The following RFX8 variants were observed in gnomAD, a reference collection of about 807,000 sequenced individuals.
RFX8 encodes DNA-binding protein RFX8.
RFX8 carries 46 observed loss-of-function variants against 54.6 expected under a neutral mutation model. That is an observed-to-expected ratio of 0.84 (90% CI 0.67 to 1.08). The LOEUF (loss-of-function observed/expected upper bound fraction) is 1.08. Among genes scored for constraint, RFX8 ranks in the 50% least tolerant of loss-of-function variants. The probability of loss-of-function intolerance (pLI) is 0.00; values close to 1 mark genes in which losing one functional copy is unlikely to be tolerated. For missense variants in RFX8, 536 were observed against 562.3 expected (o/e 0.95, Z 0.47); for synonymous variants, 192 against 209.5 (o/e 0.92, Z 0.72).
chr2:101,414,542 G>A (rs1294315580), intron 7 of RFX8, among the ~76,000 whole-genome samples: 2 of 151,756 alleles, frequency 1.3e-5, no homozygotes, highest in African/African-American at 4.8e-5. Flanking sequence ...CCAAAGTGCC[G>A]CGATTACAGG....
At chr2:101,405,377 C>A (rs1400864567) in intron 10 of RFX8, among the ~76,000 whole-genome samples, 2 of 151,956 alleles carry the variant, frequency 1.3e-5, no homozygotes, top group African/African-American at 4.8e-5. Context: ...GAACTCCTGA[C>A]CTCAGGTGAT....
At chr2:101,425,990 CTA>C (rs1439127734) in intron 2 of RFX8, among the ~76,000 whole-genome samples, 1 of 151,952 alleles carries the variant, frequency 6.6e-6, no homozygotes, top group Non-Finnish European at 1.5e-5. Flanking sequence ...AGTAGAGTGA[CTA>C]TAGTTCACAA....
intron 4 of RFX8, 118 bp downstream of exon 4, chr2:101,421,603 AGTG>A: frequency 6.9e-7 from 1 of 1,455,460 alleles, no homozygotes; most frequent in Non-Finnish European, 9.1e-7. Context: ...ACTTCAGTGC[AGTG>A]GGTTACCATT....
intron 1 of RFX8, among the ~76,000 whole-genome samples, chr2:101,468,375 G>T (rs1689699789): frequency 6.6e-6 from 1 of 152,128 alleles, no homozygotes; most frequent in Non-Finnish European, 1.5e-5. Context: ...GTGTTCCTCG[G>T]CTTCACTCCA....
At chr2:101,416,984 C>A (rs1304829906) in intron 6 of RFX8, among the ~76,000 whole-genome samples, 1 of 152,170 alleles carries the variant, frequency 6.6e-6, no homozygotes, top group East Asian at 1.9e-4. Context: ...ACACCTAGAA[C>A]ACCTTGACCT....
At chr2:101,401,000 C>A (rs1353607311) in intron 11 of RFX8, among the ~76,000 whole-genome samples, 3 of 152,230 alleles carry the variant, frequency 2.0e-5, no homozygotes, top group Non-Finnish European at 4.4e-5. Flanking sequence ...CTGCTGCCAG[C>A]TAAGGAGGCC....
chr2:101,410,134 C>T (rs557433220), intron 9 of RFX8, among the ~76,000 whole-genome samples: 25 of 152,138 alleles, frequency 1.6e-4, no homozygotes, highest in Non-Finnish European at 3.4e-4. Context: ...GCAATACACA[C>T]CTGCAGACGC....
chr2:101,467,836 C>T (rs1191214752), intron 1 of RFX8, among the ~76,000 whole-genome samples: 1 of 151,794 alleles, frequency 6.6e-6, no homozygotes, highest in East Asian at 1.9e-4. Flanking sequence ...CAGCCACTAC[C>T]TTCCTTTCCC....
intron 2 of RFX8, among the ~76,000 whole-genome samples, chr2:101,458,355 T>G (rs1159627431): frequency 5.3e-5 from 8 of 152,256 alleles, no homozygotes; most frequent in Non-Finnish European, 1.0e-4. Flanking sequence ...GTATCGGCTG[T>G]TTGTTTCCAA....
chr2:101,466,746 A>C, intron 2 of RFX8, 31 bp downstream of exon 2: 1 of 1,479,070 alleles, frequency 6.8e-7, no homozygotes, highest in Non-Finnish European at 9.3e-7. Flanking sequence ...GCACTCAGTG[A>C]ATAGAGCGTT....
At chr2:101,420,736 G>A (rs1686819127) in intron 4 of RFX8, among the ~76,000 whole-genome samples, 1 of 152,054 alleles carries the variant, frequency 6.6e-6, no homozygotes, top group Non-Finnish European at 1.5e-5. Context: ...AGAGTCAGCA[G>A]CAACGTGGCC....
At chr2:101,454,324 C>T (rs1688853289) in intron 2 of RFX8, among the ~76,000 whole-genome samples, 1 of 152,138 alleles carries the variant, frequency 6.6e-6, no homozygotes, top group African/African-American at 2.4e-5. Flanking sequence ...GGTTTCAAGT[C>T]TTTGCTATTG....
chr2:101,412,650 C>T (rs927467196), intron 8 of RFX8, among the ~76,000 whole-genome samples: 5 of 152,184 alleles, frequency 3.3e-5, no homozygotes, highest in Admixed American at 2.6e-4. Flanking sequence ...CAAGCACACT[C>T]ATCTGATCGT....
rs949881696 is a variant in RFX8 at position 101,466,930 on chromosome 2, A to G, written c.-52-30T>C. ...AGGAGAGGAGGACAAGGAGGAGGAA[A>G]TTGGCATTTGTTTTTCTAGAGCAAA... is the stretch of plus-strand genomic sequence containing the variant. On this transcript the variant is annotated intron_variant, in intron 1 of 11. Transcript: ENST00000428343. The G allele has an allele frequency of 3.0e-5, 31 of 1,047,316 alleles. No homozygotes were observed. The Middle Eastern group carries it at 1.2e-3, about 41-fold the overall frequency. The allele number at this position is 1,047,316 out of a possible 1,614,324, so 64.9% of individuals were successfully genotyped here.
At chr2:101,402,829 T>G in intron 10 of RFX8, 77 bp from the exon 11 acceptor site, 1 of 1,315,430 alleles carries the variant, frequency 7.6e-7, no homozygotes, top group Non-Finnish European at 1.0e-6. Context: ...ACTAACAACT[T>G]TTCTGGGGCT....
At chr2:101,453,936 A>G (rs112443747) in intron 2 of RFX8, among the ~76,000 whole-genome samples, 10 of 152,284 alleles carry the variant, frequency 6.6e-5, no homozygotes, top group African/African-American at 2.2e-4. Context: ...TCTAGGGTAC[A>G]TGTGCACAAC....
intron 2 of RFX8, among the ~76,000 whole-genome samples, chr2:101,460,183 C>T (rs945339614): frequency 4.2e-5 from 6 of 141,772 alleles, no homozygotes; most frequent in Non-Finnish European, 7.7e-5. Flanking sequence ...GGATATCCCC[C>T]GACATCTTGA....
intron 7 of RFX8, among the ~76,000 whole-genome samples, chr2:101,414,388 C>T (rs1686355827): frequency 6.6e-6 from 1 of 152,050 alleles, no homozygotes. Context: ...CTGCCTGTCT[C>T]CTGAGTAGCT....
intron 2 of RFX8, among the ~76,000 whole-genome samples, chr2:101,453,240 G>A (rs1688792210): frequency 6.7e-6 from 1 of 148,806 alleles, no homozygotes; most frequent in African/African-American, 2.5e-5. Flanking sequence ...TCATGCCACT[G>A]CACTCCAGCC....
Sources: gnomAD v4.1 joint callset for allele counts (sites outside exome capture counted in the v4.1 genomes callset) on GRCh38, gnomAD v4.1.1 for gene constraint, MANE v1.5 for transcripts, NCBI Gene and HGNC (gene_info 2026-07-23, HGNC 2026-07-21) for gene names.